Variants in PCDHGA7 observed in about 807,000 individuals in gnomAD.
The protein encoded by PCDHGA7 is protocadherin gamma subfamily A, 7, also known as protocadherin gamma-A7.
PCDHGA7 carries 44 observed loss-of-function variants against 58.3 expected under a neutral mutation model. The observed-to-expected ratio is 0.75, with a 90% CI of 0.59 to 0.97. PCDHGA7 has a LOEUF of 0.97. Among genes scored for constraint, PCDHGA7 ranks in the 50% least tolerant of loss-of-function variants. The probability of loss-of-function intolerance (pLI) is 0.00; values close to 1 mark genes in which losing one functional copy is unlikely to be tolerated. For synonymous variants in PCDHGA7, 516 were observed against 504.2 expected, an observed-to-expected ratio of 1.02 and a Z score of -0.31; for missense variants, 1,266 against 1,188.7, an observed-to-expected ratio of 1.06 and a Z score of -0.96.
intron 1 of PCDHGA7, chr5:141,393,214 A>AT (rs1561641117): frequency 1.2e-6 from 2 of 1,613,518 alleles, no homozygotes; most frequent in East Asian, 2.2e-5. Flanking sequence ...CCAAAATTCC[A>AT]GGTCGAAGAT....
At chr5:141,473,942 G>A (rs1419813166) in intron 1 of PCDHGA7, among the ~76,000 whole-genome samples, 3 of 152,124 alleles carry the variant, frequency 2.0e-5, no homozygotes, top group Non-Finnish European at 2.9e-5. Flanking sequence ...AGTAGCTCAG[G>A]CCTGTAGTCC....
rs770468191 is a variant in PCDHGA7, at chr5:141,478,296, A to G, written c.2425-16511A>G. On this transcript the variant is annotated intron_variant, in intron 1 of 3. Coordinates refer to ENST00000518325, the MANE Select transcript of PCDHGA7 (RefSeq NM_018920.4). ...AAGTGGAAGCAGTCTAGAGACCTAT[A>G]CCGAGCCCCGGTGAGCTCACTGTAC... is the stretch of plus-strand genomic sequence containing the variant. The G allele has an allele frequency of 9.3e-6, 15 of 1,613,962 alleles. No individual in the cohort carries two copies. Among genetic ancestry groups the G allele is most frequent in the African/African-American group, 6.7e-5 (5 of 74,930 alleles).
intron 1 of PCDHGA7, among the ~76,000 whole-genome samples, chr5:141,444,012 G>T (rs1355186604): frequency 1.3e-5 from 2 of 152,058 alleles, no homozygotes; most frequent in African/African-American, 4.8e-5. Flanking sequence ...CTGGGTATTG[G>T]CTTCTAAAAG....
chr5:141,434,789 T>C (rs2097718008), intron 1 of PCDHGA7, among the ~76,000 whole-genome samples: 1 of 152,008 alleles, frequency 6.6e-6, no homozygotes, highest in African/African-American at 2.4e-5. Context: ...AAAAAATTTT[T>C]TTTTCTGAGC....
At chr5:141,403,701 A>C in intron 1 of PCDHGA7, 2 of 1,613,934 alleles carry the variant, frequency 1.2e-6, no homozygotes, top group South Asian at 2.2e-5. Flanking sequence ...TACCGAGTTA[A>C]AGTCCTTGAG....
At position 141,511,983 on chromosome 5, in the gene PCDHGA7, G is replaced by A. The variant is rs904146751; in HGVS notation, c.*810G>A. 6.5e-6 allele frequency: 1 copy of A among 153,280 alleles called. No homozygotes were observed. The highest frequency in any genetic ancestry group is 1.5e-5 in the Non-Finnish European group (1 of 68,572). The allele number at this position is 153,280 out of a possible 1,614,324, so 9.5% of individuals were successfully genotyped here. A position where few individuals can be genotyped will look rare whatever the true frequency, so the allele number is the denominator to read the frequency against. ...AGGGAAGTGTGTGGATGTGGATGGT[G>A]GGGGCATGGACAAAGCTTGACACAT... On this transcript the variant is annotated 3_prime_UTR_variant, in exon 4 of 4. Coordinates refer to ENST00000518325, the MANE Select transcript of PCDHGA7 (RefSeq NM_018920.4).
At chr5:141,463,438 C>CTTTTTT (rs71576115) in intron 1 of PCDHGA7, among the ~76,000 whole-genome samples, 4 of 103,256 alleles carry the variant, frequency 3.9e-5, no homozygotes, top group African/African-American at 1.3e-4. Context: ...TTTCCTTCTC[C>CTTTTTT]TTTTTTTTTT....
intron 1 of PCDHGA7, chr5:141,404,933 A>C (rs2094586796): frequency 6.2e-7 from 1 of 1,613,764 alleles, no homozygotes; most frequent in Non-Finnish European, 8.5e-7. Flanking sequence ...TGTCACGCTC[A>C]CAGTAGCCAT....
rs1258752203 is a variant in PCDHGA7, at chr5:141,431,160, G to C, written c.2424+45837G>C. On this transcript the variant is annotated intron_variant, in intron 1 of 3. Coordinates refer to ENST00000518325, the MANE Select transcript of PCDHGA7 (RefSeq NM_018920.4). The surrounding 1 kb of genome is among the most constrained non-coding windows in gnomAD (Gnocchi z 4.8). ...ATTAACGACAATGCGCCTTACTTTC[G>C]TGAAAGTGAATTAGAAATAAAAATT... is the stretch of plus-strand genomic sequence containing the variant. The C allele has an allele frequency of 6.2e-7, 1 of 1,614,198 alleles. No homozygotes were observed. Among genetic ancestry groups the C allele is most frequent in the South Asian group, 1.1e-5 (1 of 91,084 alleles).
intron 1 of PCDHGA7, among the ~76,000 whole-genome samples, chr5:141,450,666 T>G (rs1434496607): frequency 6.6e-6 from 1 of 151,890 alleles, no homozygotes; most frequent in African/African-American, 2.4e-5. Context: ...TTTGTACTTT[T>G]AGTAGAAACG....
chr5:141,386,303 T>A (rs938709302), intron 1 of PCDHGA7, among the ~76,000 whole-genome samples: 6 of 152,202 alleles, frequency 3.9e-5, no homozygotes, highest in Admixed American at 2.0e-4. Flanking sequence ...TTAGTAAAGC[T>A]CAGTATATCA....
chr5:141,428,169 G>A (rs758370904), intron 1 of PCDHGA7: 1 of 1,540,076 alleles, frequency 6.5e-7, no homozygotes, highest in Non-Finnish European at 8.9e-7. Flanking sequence ...GTTGCTGTGC[G>A]TGACGGAGGA....
At chr5:141,385,826 TTACAG>T (rs2090363283) in intron 1 of PCDHGA7, 1 of 155,578 alleles carries the variant, frequency 6.4e-6, no homozygotes, top group Non-Finnish European at 1.4e-5. Flanking sequence ...CTTGACCTAT[TTACAG>T]TATAATCATT....
intron 1 of PCDHGA7, among the ~76,000 whole-genome samples, chr5:141,387,466 C>G (rs1589036513): frequency 6.6e-6 from 1 of 152,194 alleles, no homozygotes; most frequent in Non-Finnish European, 1.5e-5. Context: ...TAAAAATCCT[C>G]AAAGTTGGGA....
chr5:141,390,474 C>A, intron 1 of PCDHGA7: 1 of 688,724 alleles, frequency 1.5e-6, no homozygotes, highest in Non-Finnish European at 2.4e-6. Flanking sequence ...TTGTGTGGCC[C>A]AACATTTGTT....
chr5:141,400,231 G>T (rs572459159), intron 1 of PCDHGA7: 62 of 1,613,870 alleles, frequency 3.8e-5, no homozygotes, highest in Non-Finnish European at 5.1e-5. Flanking sequence ...CTTCCTCCTG[G>T]CCGTGATTCT....
chr5:141,432,416 C>T lies in PCDHGA7; in HGVS notation c.2424+47093C>T. 4 of 1,614,258 alleles carry T rather than the reference C, an allele frequency of 2.5e-6. No individual in the cohort carries two copies. Among genetic ancestry groups the T allele is most frequent in the Non-Finnish European group, 3.4e-6 (4 of 1,180,048 alleles). ...CAACGTGTCGTTGAGCCTGTTCGTG[C>T]TGGACCAGAACGACAATGCGCCCGA... On this transcript the variant is annotated intron_variant, in intron 1 of 3. Coordinates refer to ENST00000518325, the MANE Select transcript of PCDHGA7 (RefSeq NM_018920.4). The surrounding 1 kb of genome is among the most constrained non-coding windows in gnomAD (Gnocchi z 6.0).
At chr5:141,423,084 G>C (rs1427825232) in intron 1 of PCDHGA7, 2 of 1,613,942 alleles carry the variant, frequency 1.2e-6, no homozygotes, top group Non-Finnish European at 1.7e-6. Flanking sequence ...GACTCTTCGC[G>C]GTGGGGGAGC....
chr5:141,491,254 G>A lies in PCDHGA7; in HGVS notation c.2425-3553G>A, dbSNP rs746242389. ...GCTGGTTCTGGAGGATGAGGACCCT[G>A]AGGAAATGCCCAAATCCAGTGACTT... is the stretch of plus-strand genomic sequence containing the variant. On this transcript the variant is annotated intron_variant, in intron 1 of 3. Coordinates refer to ENST00000518325, the MANE Select transcript of PCDHGA7 (RefSeq NM_018920.4). This position sits in a 1 kb window ranked among gnomAD's most constrained non-coding sequence, Gnocchi z 6.9. 24 of 1,614,198 alleles carry A rather than the reference G, an allele frequency of 1.5e-5. No individual in the cohort carries two copies. The highest frequency in any genetic ancestry group is 2.0e-5 in the Non-Finnish European group (24 of 1,180,018).
Sources: gnomAD v4.1 joint callset for allele counts (sites outside exome capture counted in the v4.1 genomes callset) on GRCh38, gnomAD v4.1.1 for gene constraint, Gnocchi (gnomAD v3.1) non-coding constraint, MANE v1.5 for transcripts, NCBI Gene and HGNC (gene_info 2026-07-23, HGNC 2026-07-21) for gene names.